FLT3: variants seen among roughly 807,000 people sequenced by gnomAD.
FLT3 encodes fms related receptor tyrosine kinase 3.
FLT3 carries 46 observed loss-of-function variants against 126.6 expected under a neutral mutation model. The observed-to-expected ratio is 0.36, with a 90% CI of 0.29 to 0.46. The LOEUF (loss-of-function observed/expected upper bound fraction) is 0.46. FLT3 is among the 20% of genes least tolerant of loss of function. The pLI, the probability that FLT3 is intolerant of heterozygous loss-of-function variation, is 1.00. For missense variants in FLT3, 1,069 were observed against 1,190.3 expected (o/e 0.90, Z 1.50); for synonymous variants, 404 against 434.4 (o/e 0.93, Z 0.87).
intron 5 of FLT3, among the ~76,000 whole-genome samples, chr13:28,051,015 A>T (rs376247936): frequency 3.3e-5 from 5 of 152,322 alleles, no homozygotes; most frequent in East Asian, 1.9e-4. Context: ...TTTAATCAGA[A>T]TAGCAATCCT....
intron 18 of FLT3, among the ~76,000 whole-genome samples, chr13:28,024,137 C>CT (rs371442807): frequency 0.18 from 21,244 of 117,722 alleles, 1,876 homozygotes; most frequent in Middle Eastern, 0.33. Context: ...TTCTTTCTTT[C>CT]TTTTTTTTTT....
At chr13:28,020,661 G>A (rs978460373) in intron 19 of FLT3, among the ~76,000 whole-genome samples, 9 of 151,884 alleles carry the variant, frequency 5.9e-5, no homozygotes, top group Non-Finnish European at 1.2e-4. Context: ...TGTCATCTTC[G>A]ACTTGCATGT....
chr13:28,049,713 T>C lies in FLT3; in HGVS notation c.804A>G (p.Leu268=), dbSNP rs1229808874. 5.6e-6 allele frequency: 9 copies of C among 1,614,078 alleles called. No homozygotes were observed. Among genetic ancestry groups the C allele is most frequent in the Non-Finnish European group, 7.6e-6 (9 of 1,179,966 alleles). The change falls in exon 7 of 24, where the codon TTA becomes TTG. Residue 268 remains leucine, a synonymous_variant. Coordinates refer to ENST00000241453, the MANE Select transcript of FLT3 (RefSeq NM_004119.3). The part of the protein sequence containing the change: ...PQLFLKVGEP[L]WIRCKAVHVN... The stretch of plus-strand genomic sequence containing the variant: ...CATGAACAGCTTTGCACCTTATCCA[T>C]AAGGGTTCCCCTACTTTAAGAAATA...
chr13:28,060,595 T>C (rs1159019408), intron 3 of FLT3, among the ~76,000 whole-genome samples: 10 of 10,150 alleles, frequency 9.9e-4, no homozygotes, highest in African/African-American at 1.2e-3. Context: ...TTTAACTTAA[T>C]AGACTTGTTT....
At chr13:28,070,350 C>T in intron 2 of FLT3, 141 bp downstream of exon 2, 1 of 636,938 alleles carries the variant, frequency 1.6e-6, no homozygotes, top group Non-Finnish European at 2.7e-6. Flanking sequence ...AGTATAGATG[C>T]TCTGTTGGTA....
chr13:28,091,561 G>A (rs574567734), intron 1 of FLT3, among the ~76,000 whole-genome samples: 1 of 152,120 alleles, frequency 6.6e-6, no homozygotes, highest in East Asian at 1.9e-4. Context: ...AGTAGACTGG[G>A]TAACTCCAAG....
intron 4 of FLT3, among the ~76,000 whole-genome samples, chr13:28,055,346 CT>C (rs1400372169): frequency 2.0e-5 from 3 of 152,236 alleles, no homozygotes; most frequent in Non-Finnish European, 2.9e-5. Flanking sequence ...ATTCCTTCAA[CT>C]GCTCCTAATT....
Position 28,100,390 on chromosome 13 carries a change from G to C in FLT3, c.43+78C>G, listed in dbSNP as rs528340840. On this transcript the variant is annotated intron_variant, in intron 1 of 23. Coordinates refer to ENST00000241453, the MANE Select transcript of FLT3 (RefSeq NM_004119.3). This position sits in a 1 kb window ranked among gnomAD's most constrained non-coding sequence, Gnocchi z 4.8. ...GGAGCGAGGCGGCTGGGCCGGAGGAGGCGCGCGCCCGGGTCCACACTGCGG... is the reference window on the plus strand; with the variant it reads ...GGAGCGAGGCGGCTGGGCCGGAGGACGCGCGCGCCCGGGTCCACACTGCGG... The C allele has an allele frequency of 3.8e-5, 40 of 1,044,970 alleles. No homozygotes were observed. In the South Asian group the frequency reaches 1.8e-3, roughly 46 times the overall value. 64.7% of individuals were successfully genotyped at this position (1,044,970 alleles called of 1,614,324 possible). A position where few individuals can be genotyped will look rare whatever the true frequency, so the allele number is the denominator to read the frequency against.
intron 3 of FLT3, among the ~76,000 whole-genome samples, chr13:28,057,961 C>T (rs1186646125): frequency 2.0e-5 from 3 of 151,796 alleles, no homozygotes; most frequent in Non-Finnish European, 4.4e-5. Context: ...ATTGCTTGAA[C>T]CCAGGAGGTA....
At chr13:28,073,214 G>A (rs916106399) in intron 1 of FLT3, among the ~76,000 whole-genome samples, 3 of 151,818 alleles carry the variant, frequency 2.0e-5, no homozygotes, top group Non-Finnish European at 2.9e-5. Flanking sequence ...AGTGGTGTGC[G>A]CCTATAGTCC....
At chr13:28,095,420 C>A (rs553254407) in intron 1 of FLT3, among the ~76,000 whole-genome samples, 1 of 152,130 alleles carries the variant, frequency 6.6e-6, no homozygotes, top group East Asian at 1.9e-4. Context: ...GAACTACAGG[C>A]GTGCGCCACC....
chr13:28,049,320 C>CACA, intron 8 of FLT3, 64 bp downstream of exon 8: 1 of 1,412,932 alleles, frequency 7.1e-7, no homozygotes, highest in Non-Finnish European at 9.8e-7. Flanking sequence ...GTACCACATA[C>CACA]TTCACATTCC....
chr13:28,005,850 C>G (rs1441949542), intron 23 of FLT3, among the ~76,000 whole-genome samples: 5 of 152,210 alleles, frequency 3.3e-5, no homozygotes, highest in Non-Finnish European at 7.3e-5. Context: ...GAAGTTCTAT[C>G]TCCTTAACTA....
chr13:28,048,554 G>T, intron 8 of FLT3, 111 bp from the exon 9 acceptor site: 1 of 748,592 alleles, frequency 1.3e-6, no homozygotes, highest in Non-Finnish European at 2.2e-6. Context: ...AAACTCAAGT[G>T]TTGGCATGCT....
chr13:28,053,973 C>T (rs1307296779), intron 4 of FLT3, among the ~76,000 whole-genome samples: 1 of 152,116 alleles, frequency 6.6e-6, no homozygotes, highest in African/African-American at 2.4e-5. Flanking sequence ...CTTGGCCTCC[C>T]AAAGTGCTTG....
chr13:28,079,101 G>A (rs1878153407), intron 1 of FLT3, among the ~76,000 whole-genome samples: 1 of 152,124 alleles, frequency 6.6e-6, no homozygotes, highest in Non-Finnish European at 1.5e-5. Flanking sequence ...GCCTTTACAA[G>A]TACTCAAGTC....
At chr13:28,063,357 G>A (rs1190557713) in intron 2 of FLT3, among the ~76,000 whole-genome samples, 4 of 152,170 alleles carry the variant, frequency 2.6e-5, no homozygotes, top group Non-Finnish European at 5.9e-5. Flanking sequence ...GTAGGCGCCT[G>A]TAATCCCAGC....
intron 8 of FLT3, 96 bp from the exon 9 acceptor site, chr13:28,048,539 C>A: frequency 1.2e-6 from 1 of 854,180 alleles, no homozygotes; most frequent in South Asian, 1.8e-5. Flanking sequence ...CAGTTTAACA[C>A]AGGAAAACTC....
chr13:28,006,251 T>A (rs1870880755), intron 23 of FLT3, among the ~76,000 whole-genome samples: 1 of 152,138 alleles, frequency 6.6e-6, no homozygotes, highest in Admixed American at 6.6e-5. Flanking sequence ...TTTTTGACAG[T>A]TTTAATGTGA....
Sources: gnomAD v4.1 joint callset for allele counts (sites outside exome capture counted in the v4.1 genomes callset) on GRCh38, gnomAD v4.1.1 for gene constraint, Gnocchi (gnomAD v3.1) non-coding constraint, MANE v1.5 for transcripts, NCBI Gene and HGNC (gene_info 2026-07-23, HGNC 2026-07-21) for gene names.